Variants in TXNRD2 observed in about 807,000 individuals in gnomAD.
TXNRD2 encodes the protein thioredoxin reductase 2, mitochondrial.
A neutral mutation model predicts 70.8 loss-of-function variants in TXNRD2; 67 were observed. The ratio of observed to expected loss-of-function variants is 0.95; its 90% CI spans 0.78 to 1.16. TXNRD2 has a LOEUF of 1.16. Ranked by LOEUF, TXNRD2 falls within the 50% of genes most tolerant of loss-of-function variation. TXNRD2 has a pLI of 0.00. For missense variants in TXNRD2, 644 were observed against 719.9 expected (o/e 0.89, Z 1.21); for synonymous variants, 301 against 295.8 (o/e 1.02, Z -0.18).
intron 14 of TXNRD2, among the ~76,000 whole-genome samples, chr22:19,879,726 G>A (rs1442675585): frequency 6.6e-6 from 1 of 152,056 alleles, no homozygotes; most frequent in Admixed American, 6.5e-5. Context: ...AGGCATCTTC[G>A]GGGCCCTGGT....
intron 2 of TXNRD2, among the ~76,000 whole-genome samples, chr22:19,921,998 T>A (rs1940936609): frequency 6.6e-6 from 1 of 152,148 alleles, no homozygotes; most frequent in South Asian, 2.1e-4. Context: ...CCCAAAAGGA[T>A]CAAACTGACT....
chr22:19,935,120 C>T (rs1941495359), intron 1 of TXNRD2, among the ~76,000 whole-genome samples: 1 of 152,192 alleles, frequency 6.6e-6, no homozygotes, highest in Non-Finnish European at 1.5e-5. Flanking sequence ...CCATATTTTT[C>T]TTCTTGCAGA....
At chr22:19,925,036 G>C (rs1941071540) in intron 2 of TXNRD2, among the ~76,000 whole-genome samples, 1 of 150,974 alleles carries the variant, frequency 6.6e-6, no homozygotes, top group African/African-American at 2.4e-5. Context: ...TGTAATCCCA[G>C]CACTTTGGGA....
At chr22:19,896,072 C>A (rs1022002965) in intron 10 of TXNRD2, among the ~76,000 whole-genome samples, 1 of 151,834 alleles carries the variant, frequency 6.6e-6, no homozygotes, top group Non-Finnish European at 1.5e-5. Flanking sequence ...CTGAGGCGGG[C>A]GGATCACGAG....
intron 2 of TXNRD2, among the ~76,000 whole-genome samples, chr22:19,924,625 A>G (rs1941050997): frequency 6.6e-6 from 1 of 152,226 alleles, no homozygotes; most frequent in South Asian, 2.1e-4. Context: ...ACTACAATAC[A>G]GGAGATGAAA....
chr22:19,938,323 AC>A (rs1941598571), intron 1 of TXNRD2: 1 of 152,212 alleles, frequency 6.6e-6, no homozygotes, highest in Non-Finnish European at 1.5e-5. Flanking sequence ...TTGCTCAATT[AC>A]TTTTACTACC....
At chr22:19,909,567 T>TACACACCCCATTCAC (rs1555911465) in intron 8 of TXNRD2, among the ~76,000 whole-genome samples, 1 of 94,992 alleles carries the variant, frequency 1.1e-5, no homozygotes, top group Admixed American at 1.1e-4. Flanking sequence ...ACTACTCACA[T>TACACACCCCATTCAC]ACACACACCA....
At chr22:19,882,462 G>A (rs913581357) in intron 12 of TXNRD2, among the ~76,000 whole-genome samples, 1 of 152,146 alleles carries the variant, frequency 6.6e-6, no homozygotes, top group East Asian at 1.9e-4. Flanking sequence ...GAGTCCCAAA[G>A]TGCTGGGATT....
At chr22:19,931,327 A>T (rs1358705338) in intron 1 of TXNRD2, among the ~76,000 whole-genome samples, 1 of 152,188 alleles carries the variant, frequency 6.6e-6, no homozygotes, top group African/African-American at 2.4e-5. Flanking sequence ...TGCAAATCAC[A>T]CGCACACCAT....
chr22:19,933,506 C>T (rs953936021), intron 1 of TXNRD2: 36 of 1,289,270 alleles, frequency 2.8e-5, no homozygotes, highest in South Asian at 1.6e-4. Context: ...CCTGCAGCCT[C>T]GCACTGTGCC....
intron 11 of TXNRD2, 159 bp downstream of exon 11, chr22:19,895,248 G>A: frequency 6.3e-7 from 1 of 1,595,078 alleles, no homozygotes; most frequent in Non-Finnish European, 8.5e-7. Context: ...CCGCCCCACA[G>A]GCCTTCACGG....
At chr22:19,902,063 G>T (rs143849261) in intron 8 of TXNRD2, among the ~76,000 whole-genome samples, 1,778 of 152,280 alleles carry the variant, frequency 0.012, 40 homozygotes, top group African/African-American at 0.04. Flanking sequence ...GGGGCATGGT[G>T]GTATGCACCT....
At chr22:19,920,457 C>T (rs929864394) in intron 2 of TXNRD2, among the ~76,000 whole-genome samples, 1 of 152,148 alleles carries the variant, frequency 6.6e-6, no homozygotes, top group Non-Finnish European at 1.5e-5. Context: ...GTGGTGCAAG[C>T]CTGTAGCCCC....
intron 7 of TXNRD2, 75 bp downstream of exon 7, chr22:19,915,139 G>A: frequency 7.2e-7 from 1 of 1,384,892 alleles, no homozygotes; most frequent in Admixed American, 1.8e-5. Context: ...GGAAGCACGT[G>A]TGTAAAAACG....
In TXNRD2 at chr22:19,918,889, C is replaced by T; in HGVS notation, c.345G>A (p.Trp115Ter). Reference sequence around the variant, plus strand: ...CATGCGGCACGGGCTGGGCCACCTCCCAGCCATAGTTGGGGGCATCTTGGA... The same window carrying T: ...CATGCGGCACGGGCTGGGCCACCTCTCAGCCATAGTTGGGGGCATCTTGGA... ...GLIQDAPNYG[W>*]EVAQPVPHDW... is the part of the protein sequence containing the mutation. Residue 115 changes from tryptophan to a stop codon, truncating the protein, a stop_gained, in exon 4 of 18, where the codon TGG becomes TGA. Transcript: ENST00000400521. LOFTEE classifies it high-confidence loss of function. 6.2e-7 allele frequency: 1 copy of T among 1,611,854 alleles called. No homozygotes were observed. The highest frequency in any genetic ancestry group is 8.5e-7 in the Non-Finnish European group (1 of 1,179,986).
At chr22:19,915,524 C>A (rs959976103) in intron 6 of TXNRD2, among the ~76,000 whole-genome samples, 1 of 152,142 alleles carries the variant, frequency 6.6e-6, no homozygotes, top group African/African-American at 2.4e-5. Flanking sequence ...CCCTCAAATC[C>A]CCAAAAAATC....
intron 8 of TXNRD2, among the ~76,000 whole-genome samples, chr22:19,909,286 T>TCAGAAG (rs1467953710): frequency 6.6e-6 from 1 of 151,814 alleles, no homozygotes; most frequent in Non-Finnish European, 1.5e-5. Flanking sequence ...GGAAAATGTG[T>TCAGAAG]CAGAAGCACT....
Position 19,892,390 on chromosome 22 carries a change from A to G in TXNRD2, c.949+3017T>C, listed in dbSNP as rs1939305038. On this transcript the variant is annotated intron_variant, in intron 11 of 17. Transcript: ENST00000400521. ...GCGCAGAAGCCGCGCCGCCCTCGGG[A>G]AGCAGGGTCAGAGGCCAAGGACTGT... Among the ~76,000 whole-genome samples the G allele has an allele frequency of 2.6e-5, 4 of 152,264 alleles. 1 individual carries two copies. The highest frequency in any genetic ancestry group is 2.6e-4 in the Admixed American group (4 of 15,288).
intron 11 of TXNRD2, chr22:19,891,654 G>A (rs988689403): frequency 2.0e-5 from 3 of 152,226 alleles, no homozygotes; most frequent in African/African-American, 7.2e-5. Flanking sequence ...GGGCGAATTC[G>A]AGCCCGCAGC....
Sources: allele counts gnomAD v4.1 joint callset (sites outside exome capture counted in the v4.1 genomes callset), GRCh38; gene constraint gnomAD v4.1.1; transcripts MANE v1.5; gene names NCBI Gene and HGNC (gene_info 2026-07-23, HGNC 2026-07-21).